Variants in EFCAB12 observed in about 807,000 individuals in gnomAD.
EFCAB12 encodes the protein EF-hand calcium binding domain 12.
In EFCAB12, 43 loss-of-function variants were observed where a neutral mutation model predicts 53.6. That is an observed-to-expected ratio of 0.80 (90% CI 0.63 to 1.03). The LOEUF (loss-of-function observed/expected upper bound fraction) is 1.03, where lower values mean the gene tolerates loss of function less well. Among genes scored for constraint, EFCAB12 ranks in the 50% least tolerant of loss-of-function variants. The probability of loss-of-function intolerance (pLI) is 0.00; values close to 1 mark genes in which losing one functional copy is unlikely to be tolerated. For missense variants in EFCAB12, 646 were observed against 730.6 expected, an observed-to-expected ratio of 0.88 and a Z score of 1.34; for synonymous variants, 269 against 289.2, an observed-to-expected ratio of 0.93 and a Z score of 0.71.
At position 129,421,542 on chromosome 3, in the gene EFCAB12, G is replaced by T. The variant is rs762809624; in HGVS notation, c.311C>A (p.Thr104Asn). 10 of 1,613,932 alleles carry T rather than the reference G, an allele frequency of 6.2e-6. No homozygotes were observed. The highest frequency in any genetic ancestry group is 8.5e-6 in the Non-Finnish European group (10 of 1,179,908). ...CAGCTTCGACCTCTGGCTCAGCCAGGTCTTCCTGTCCTCTGGCTGCTCTTG... is the reference window on the plus strand; with the variant it reads ...CAGCTTCGACCTCTGGCTCAGCCAGTTCTTCCTGTCCTCTGGCTGCTCTTG... ...DIQEQPEDRK[T>N]WLSQRSKLRQ... Residue 104 changes from threonine to asparagine, a missense_variant, in exon 2 of 9, where the codon ACC (threonine) becomes AAC (asparagine). Transcript: ENST00000505956.
chr3:129,410,063 T>A (rs1232769662), intron 5 of EFCAB12, among the ~76,000 whole-genome samples: 2 of 151,950 alleles, frequency 1.3e-5, no homozygotes, highest in Non-Finnish European at 2.9e-5. Flanking sequence ...GGCTGGGGTG[T>A]ACTGTGCAGT....
chr3:129,420,441 G>C (rs1397696397), intron 2 of EFCAB12, among the ~76,000 whole-genome samples: 1 of 152,198 alleles, frequency 6.6e-6, no homozygotes, highest in Non-Finnish European at 1.5e-5. Context: ...GTCACAGAGA[G>C]AGAATGAGTT....
intron 3 of EFCAB12, 58 bp from the exon 4 acceptor site, chr3:129,415,459 T>G: frequency 6.2e-7 from 1 of 1,600,924 alleles, no homozygotes; most frequent in South Asian, 1.1e-5. Context: ...CCTGCTCTGA[T>G]GGCCAAGGCC....
At chr3:129,411,108 C>T (rs1470048821) in intron 5 of EFCAB12, 50 bp downstream of exon 5, 8 of 1,532,986 alleles carry the variant, frequency 5.2e-6, no homozygotes, top group African/African-American at 1.4e-5. Flanking sequence ...ATCTGAACCC[C>T]AGCTGCTCCA....
At chr3:129,427,372 C>A (rs112344052) in intron 1 of EFCAB12, among the ~76,000 whole-genome samples, 1 of 122,982 alleles carries the variant, frequency 8.1e-6, no homozygotes, top group African/African-American at 5.2e-5. Flanking sequence ...CCTCTGAGTA[C>A]GTTCTCTTAT....
rs1365707092 is a variant in EFCAB12 at position 129,408,651 on chromosome 3, T to C, written c.1243A>G (p.Met415Val). The C allele has an allele frequency of 6.4e-7, 1 of 1,568,762 alleles. No individual in the cohort carries two copies. Among genetic ancestry groups the C allele is most frequent in the Non-Finnish European group, 8.7e-7 (1 of 1,155,462 alleles). ...YGLPLTEDILMKALLYPGDKI... is the reference protein window; with the variant it reads ...YGLPLTEDILVKALLYPGDKI... Reference sequence around the variant, plus strand: ...CAGCTACCGAGGCCCTTACCTTTCATGAGGATGTCCTCTGTCAGCGGGAGG... The same window carrying C: ...CAGCTACCGAGGCCCTTACCTTTCACGAGGATGTCCTCTGTCAGCGGGAGG... The change falls in exon 6 of 9, where the codon ATG becomes GTG. Residue 415 changes from methionine (M) to valine (V), a missense_variant. Physicochemically the swap from Met to Val is conservative, Grantham distance 21. Transcript: ENST00000505956.
chr3:129,420,439 G>A (rs1445517727), intron 2 of EFCAB12, among the ~76,000 whole-genome samples: 1 of 152,198 alleles, frequency 6.6e-6, no homozygotes, highest in Non-Finnish European at 1.5e-5. Context: ...ATGTCACAGA[G>A]AGAGAATGAG....
At chr3:129,415,145 A>G in intron 4 of EFCAB12, 100 bp downstream of exon 4, 1 of 1,391,264 alleles carries the variant, frequency 7.2e-7, no homozygotes, top group Non-Finnish European at 9.4e-7. Flanking sequence ...ACTGGGGAAC[A>G]CACTGAGGAA....
rs949375135 is a variant in EFCAB12, at chr3:129,418,393, A to G, written c.542T>C (p.Leu181Pro). 1.4e-5 allele frequency: 22 copies of G among 1,613,378 alleles called. No individual in the cohort carries two copies. The highest frequency in any genetic ancestry group is 1.8e-5 in the Non-Finnish European group (21 of 1,179,672). ...GACCGACAGGGCAGGGGGCTCGGGC[A>G]GCTGGAGCTGGGGCACCATCTGGCG... is the stretch of plus-strand genomic sequence containing the variant. ...LSRQMVPQLQ[L>P]PEPPALSVMY... Residue 181 changes from leucine (L) to proline (P), a missense_variant, in exon 3 of 9, where the codon CTG (leucine) becomes CCG (proline). Physicochemically the swap from Leu to Pro is moderately conservative, Grantham distance 98. Coordinates refer to ENST00000505956, the MANE Select transcript of EFCAB12 (RefSeq NM_207307.3).
intron 5 of EFCAB12, 102 bp from the exon 6 acceptor site, chr3:129,408,960 G>C: frequency 7.3e-7 from 1 of 1,367,282 alleles, no homozygotes; most frequent in Admixed American, 2.0e-5. Context: ...TCCCCTGCGA[G>C]GTCCCCATGA....
chr3:129,418,671 G>A (rs773311213), intron 2 of EFCAB12: 66 of 430,866 alleles, frequency 1.5e-4, no homozygotes, highest in Non-Finnish European at 1.9e-4. Flanking sequence ...CACAAGGCTT[G>A]GGCAATATAG....
chr3:129,411,281 C>G lies in EFCAB12; in HGVS notation c.912G>C (p.Gln304His). 1 of 1,612,980 alleles carries G rather than the reference C, an allele frequency of 6.2e-7. No individual in the cohort carries two copies. The highest frequency in any genetic ancestry group is 8.5e-7 in the Non-Finnish European group (1 of 1,179,186). The stretch of plus-strand genomic sequence containing the variant: ...CCGTCAGTAGGTCCACTTTGGGAAG[C>G]TGTGGGGCTGAATCCACCTCCTGCT... The part of the protein sequence containing the change: ...LKKQEVDSAP[Q>H]LPKVDLLTVP... The change falls in exon 5 of 9, where the codon CAG becomes CAC. Residue 304 changes from glutamine to histidine, a missense_variant. By Grantham distance (24) the Gln-to-His change is conservative (BLOSUM62 0). Transcript: ENST00000505956.
At chr3:129,422,121 C>A (rs1010692287) in intron 1 of EFCAB12, among the ~76,000 whole-genome samples, 1 of 152,158 alleles carries the variant, frequency 6.6e-6, no homozygotes, top group Non-Finnish European at 1.5e-5. Flanking sequence ...TCTGAGGCAG[C>A]ACAGTATTAA....
chr3:129,421,850 T>A, intron 1 of EFCAB12, 47 bp from the exon 2 acceptor site: 1 of 1,536,974 alleles, frequency 6.5e-7, no homozygotes, highest in Non-Finnish European at 8.8e-7. Context: ...GGAAGAGGAC[T>A]GAAAGGAGCC....
chr3:129,407,435 A>C (rs1469389880), intron 6 of EFCAB12, among the ~76,000 whole-genome samples: 5 of 152,168 alleles, frequency 3.3e-5, no homozygotes, highest in African/African-American at 1.2e-4. Flanking sequence ...GTGACTGTAA[A>C]GTCTAGTTCT....
rs188768580 is a variant in EFCAB12 at position 129,401,974 on chromosome 3, C to T, written c.1461-123G>A. ...TAGCACTGTGCCAAGCACTTCAGCA[C>T]CTCAGTCCTCCCCACAGTTCCATAT... On this transcript the variant is annotated intron_variant, in intron 8 of 8. Transcript: ENST00000505956. 4.0e-5 allele frequency: 52 copies of T among 1,312,584 alleles called. No homozygotes were observed. In the East Asian group the frequency reaches 1.2e-3, roughly 31 times the overall value. 81.3% of individuals were successfully genotyped at this position (1,312,584 alleles called of 1,614,324 possible). A position where few individuals can be genotyped will look rare whatever the true frequency, so the allele number is the denominator to read the frequency against.
intron 5 of EFCAB12, among the ~76,000 whole-genome samples, chr3:129,410,929 A>AG (rs2072028884): frequency 6.6e-6 from 1 of 152,150 alleles, no homozygotes; most frequent in African/African-American, 2.4e-5. Context: ...GAATAGGGAG[A>AG]GGGGGACGTG....
chr3:129,404,487 T>C, intron 6 of EFCAB12, 84 bp from the exon 7 acceptor site: 1 of 1,333,744 alleles, frequency 7.5e-7, no homozygotes, highest in Non-Finnish European at 9.8e-7. Flanking sequence ...AGGAGGTGTT[T>C]TTTTTTTTTT....
chr3:129,420,869 C>G (rs184535084), intron 2 of EFCAB12, among the ~76,000 whole-genome samples: 1 of 152,356 alleles, frequency 6.6e-6, no homozygotes, highest in East Asian at 1.9e-4. Context: ...GAAAGGGCAG[C>G]CTCTGTCTTG....
Sources: allele counts gnomAD v4.1 joint callset (sites outside exome capture counted in the v4.1 genomes callset), GRCh38; gene constraint gnomAD v4.1.1; transcripts MANE v1.5; gene names NCBI Gene and HGNC (gene_info 2026-07-23, HGNC 2026-07-21).